FGF22: variants seen among roughly 807,000 people sequenced by gnomAD.
FGF22 encodes the protein fibroblast growth factor 22.
Under a neutral mutation model 10.3 loss-of-function variants are expected in FGF22, and 11 were observed. The ratio of observed to expected loss-of-function variants is 1.07; its 90% CI spans 0.67 to 1.77. The LOEUF (loss-of-function observed/expected upper bound fraction) is 1.77. Ranked by LOEUF, FGF22 falls within the 40% of genes most tolerant of loss-of-function variation. The pLI is 0.00. For synonymous variants in FGF22, 136 were observed against 122.1 expected, an observed-to-expected ratio of 1.11 and a Z score of -0.75; for missense variants, 317 against 273.2, an observed-to-expected ratio of 1.16 and a Z score of -1.13.
intron 1 of FGF22, among the ~76,000 whole-genome samples, chr19:642,933 G>A (rs1032208782): frequency 3.3e-5 from 5 of 152,050 alleles, no homozygotes; most frequent in African/African-American, 9.7e-5. Flanking sequence ...CAGGGACAGC[G>A]CTGACCTGGC....
intron 1 of FGF22, chr19:640,369 C>T (rs2144741021): frequency 5.5e-6 from 2 of 363,848 alleles, no homozygotes; most frequent in Non-Finnish European, 9.8e-6. Flanking sequence ...GAGAAGCGTC[C>T]GTGTGGTACA....
At chr19:642,639 GGT>G (rs2144744011) in intron 1 of FGF22, among the ~76,000 whole-genome samples, 1 of 127,460 alleles carries the variant, frequency 7.8e-6, no homozygotes, top group East Asian at 2.4e-4. Context: ...CGGGCTGGGG[GGT>G]CTCTGGGGTG....
Position 643,834 on chromosome 19 carries a change from G to A in FGF22, c.*230G>A, listed in dbSNP as rs542015093. On this transcript the variant is annotated 3_prime_UTR_variant, in exon 3 of 3. Coordinates refer to ENST00000215530, the Ensembl canonical transcript of FGF22. ...TCGAGGACCCAACAGGGCGCCTCTC[G>A]GGCTGAAGGACGCAGACGTCGAAAG... 55 of 546,236 alleles carry A rather than the reference G, an allele frequency of 1.0e-4. No homozygotes were observed. In the East Asian group the frequency reaches 1.2e-3, roughly 12 times the overall value. The allele number at this position is 546,236 out of a possible 1,614,324, so 33.8% of individuals were successfully genotyped here. A position where few individuals can be genotyped will look rare whatever the true frequency, so the allele number is the denominator to read the frequency against.
Position 642,272 on chromosome 19 carries a change from C to T in FGF22, c.215-963C>T, listed in dbSNP as rs1162619832. On this transcript the variant is annotated intron_variant, in intron 1 of 2. Transcript: ENST00000215530. ...AGCTGTGAGGGCCGGGCTGGGGGCT[C>T]CATATGGGGTGGTGTGAGCTGTGAG... is the stretch of plus-strand genomic sequence containing the variant. 2.5e-5 allele frequency among the ~76,000 whole-genome samples: 2 copies of T among 81,148 alleles called. 1 individual carries two copies. The highest frequency in any genetic ancestry group is 2.4e-4 in the Admixed American group (2 of 8,186). 53.2% of individuals were successfully genotyped at this position (81,148 alleles called of 152,430 possible). A position where few individuals can be genotyped will look rare whatever the true frequency, so the allele number is the denominator to read the frequency against.
At chr19:643,791 A>G (rs1488471056) in exon 3 of FGF22, 2 of 595,262 alleles carry the variant, frequency 3.4e-6, no homozygotes, top group Admixed American at 3.1e-5. Context: ...AAGCAGGTTC[A>G]ATCCTGAGTT....
exon 2 of FGF22, chr19:643,308 C>T (rs753547624): frequency 5.0e-6 from 8 of 1,609,726 alleles, no homozygotes; most frequent in Non-Finnish European, 6.8e-6. Flanking sequence ...TCTACGTGGC[C>T]ATGAACCGCC....
At chr19:643,090 G>A in intron 1 of FGF22, 145 bp from the exon 2 acceptor site, 3 of 674,346 alleles carry the variant, frequency 4.4e-6, no homozygotes, top group East Asian at 2.7e-5. Flanking sequence ...GATCCTGAGT[G>A]TCCGTCGTGG....
chr19:643,749 G>C (rs1268393347), exon 3 of FGF22: 10 of 706,982 alleles, frequency 1.4e-5, no homozygotes, highest in Non-Finnish European at 1.8e-5. Context: ...AGCCCTCCAG[G>C]GGGGTCCCAG....
intron 1 of FGF22, chr19:641,438 G>T: frequency 2.8e-6 from 1 of 360,104 alleles, no homozygotes; most frequent in Non-Finnish European, 5.6e-6. Context: ...AGCCGGGTGT[G>T]GTGGCGGGCG....
chr19:643,369 G>A, intron 2 of FGF22, 31 bp downstream of exon 2: 1 of 1,594,762 alleles, frequency 6.3e-7, no homozygotes, highest in Middle Eastern at 1.7e-4. Context: ...GGCGGCGCGG[G>A]CAGGGTGGGG....
exon 1 of FGF22, chr19:640,100 G>C: frequency 7.2e-7 from 1 of 1,395,718 alleles, no homozygotes; most frequent in Non-Finnish European, 9.3e-7. Flanking sequence ...GGATCCCGGC[G>C]GCCGCGTGCA....
At chr19:640,174 G>A in intron 1 of FGF22, 35 bp downstream of exon 1, 2 of 1,245,940 alleles carry the variant, frequency 1.6e-6, no homozygotes, top group South Asian at 2.8e-5. Context: ...GGGGTGGGGA[G>A]GCGGCGGGTG....
intron 1 of FGF22, 22 bp downstream of exon 1, chr19:640,161 C>A: frequency 7.8e-7 from 1 of 1,273,988 alleles, no homozygotes; most frequent in Non-Finnish European, 9.9e-7. Context: ...GCGGCGGGGG[C>A]CTGGGGTGGG....
chr19:640,948 CAG>C (rs1985878719), intron 1 of FGF22: 1 of 341,454 alleles, frequency 2.9e-6, no homozygotes, highest in Non-Finnish European at 5.9e-6. Context: ...CGAGGGCGGA[CAG>C]GGGACTGGCT....
chr19:643,538 C>T (rs774635159), exon 3 of FGF22: 1 of 1,601,890 alleles, frequency 6.2e-7, no homozygotes, highest in Non-Finnish European at 8.5e-7. Flanking sequence ...GGGGGGGGCC[C>T]CGGCCAGGCG....
exon 3 of FGF22, chr19:643,556 G>T: frequency 1.9e-6 from 3 of 1,586,608 alleles, no homozygotes; most frequent in Non-Finnish European, 2.6e-6. Context: ...GCGGCCGGAC[G>T]CGGCGGTACC....
Position 643,143 on chromosome 19 carries a change from C to T in FGF22, c.215-92C>T, listed in dbSNP as rs556752802. ...GTCCCGGGGGTCTCCTGGTATCTGTCGTGGTCCTGAGGGCCCTGCACGAAG... is the reference window on the plus strand; with the variant it reads ...GTCCCGGGGGTCTCCTGGTATCTGTTGTGGTCCTGAGGGCCCTGCACGAAG... On this transcript the variant is annotated intron_variant, in intron 1 of 2. Transcript: ENST00000215530. The T allele has an allele frequency of 2.1e-4, 50 of 240,584 alleles. 1 individual carries two copies. The highest frequency in any genetic ancestry group is 6.8e-4 in the Admixed American group (7 of 10,354). 14.9% of individuals were successfully genotyped at this position (240,584 alleles called of 1,614,324 possible).
At chr19:641,843 C>T (rs1030711368) in intron 1 of FGF22, among the ~76,000 whole-genome samples, 5 of 152,210 alleles carry the variant, frequency 3.3e-5, no homozygotes, top group Admixed American at 6.5e-5. Flanking sequence ...AACTGTACAC[C>T]CAGCTGACAA....
chr19:643,256 T>G (rs1327255991), exon 2 of FGF22: 2 of 1,611,682 alleles, frequency 1.2e-6, no homozygotes, highest in Admixed American at 3.3e-5. Context: ...ATCCGCTCTG[T>G]ACACGTGGGC....
Sources: allele counts gnomAD v4.1 joint callset (sites outside exome capture counted in the v4.1 genomes callset), GRCh38; gene constraint gnomAD v4.1.1; transcripts MANE v1.5; gene names NCBI Gene and HGNC (gene_info 2026-07-23, HGNC 2026-07-21).